ARHGEF3: variants seen among roughly 807,000 people sequenced by gnomAD.
ARHGEF3 encodes the protein Rho guanine nucleotide exchange factor 3, also known as 59.8 kDA protein.
ARHGEF3 carries 28 observed loss-of-function variants against 63.2 expected under a neutral mutation model. The observed-to-expected ratio is 0.44, with a 90% CI of 0.33 to 0.61. The LOEUF (loss-of-function observed/expected upper bound fraction) is 0.61, where lower values mean the gene tolerates loss of function less well. Ranked by LOEUF, ARHGEF3 falls within the 20% of genes least tolerant of loss-of-function variation. ARHGEF3 has a pLI of 0.03. For missense variants in ARHGEF3, 533 were observed against 659.3 expected (o/e 0.81, Z 2.10); for synonymous variants, 266 against 254.2 (o/e 1.05, Z -0.44).
At chr3:56,923,969 G>A (rs2042215763) in intron 3 of ARHGEF3, among the ~76,000 whole-genome samples, 1 of 152,236 alleles carries the variant, frequency 6.6e-6, no homozygotes, top group African/African-American at 2.4e-5. Flanking sequence ...TGCCCTGGAG[G>A]CTGTCCCTTT....
At chr3:56,872,244 A>G (rs1410391087) in intron 4 of ARHGEF3, among the ~76,000 whole-genome samples, 1 of 152,138 alleles carries the variant, frequency 6.6e-6, no homozygotes, top group Non-Finnish European at 1.5e-5. Context: ...TTACAACTTA[A>G]TCTCCTCATC....
intron 2 of ARHGEF3, among the ~76,000 whole-genome samples, chr3:56,989,734 G>A (rs2106943341): frequency 6.6e-6 from 1 of 152,234 alleles, no homozygotes; most frequent in East Asian, 1.9e-4. Flanking sequence ...CACTCCCTAG[G>A]AACAACCCTG....
At chr3:56,799,051 T>A (rs1421008440) in intron 1 of ARHGEF3, among the ~76,000 whole-genome samples, 3 of 152,266 alleles carry the variant, frequency 2.0e-5, no homozygotes, top group Non-Finnish European at 4.4e-5. Flanking sequence ...AAATACATTT[T>A]AAAAATATCA....
chr3:56,914,130 G>T (rs1275606787), intron 3 of ARHGEF3, among the ~76,000 whole-genome samples: 1 of 152,196 alleles, frequency 6.6e-6, no homozygotes, highest in Non-Finnish European at 1.5e-5. Flanking sequence ...TTGAGGGGAA[G>T]GGTGAGAGAG....
chr3:56,879,320 G>C (rs554389969), intron 4 of ARHGEF3, among the ~76,000 whole-genome samples: 7 of 152,112 alleles, frequency 4.6e-5, no homozygotes, highest in Non-Finnish European at 1.0e-4. Context: ...AATCAAAGGG[G>C]GACATAGTCT....
At chr3:56,757,869 C>T (rs964196407) in intron 2 of ARHGEF3, among the ~76,000 whole-genome samples, 2 of 151,740 alleles carry the variant, frequency 1.3e-5, no homozygotes, top group African/African-American at 2.4e-5. Context: ...ACTACAGGCA[C>T]CTGCCACCAC....
intron 2 of ARHGEF3, chr3:56,977,518 C>T (rs2106883542): frequency 2.9e-5 from 10 of 343,848 alleles, no homozygotes; most frequent in South Asian, 2.1e-4. Flanking sequence ...TGTCCTTTTA[C>T]CTGCCCCCAA....
chr3:57,063,224 G>C (rs190005365), intron 1 of ARHGEF3, among the ~76,000 whole-genome samples: 15 of 152,300 alleles, frequency 9.8e-5, no homozygotes, highest in Admixed American at 9.8e-4. Flanking sequence ...GGTTATGAGG[G>C]GGAAGGGCAA....
chr3:56,739,333 T>C (rs1207397230), intron 7 of ARHGEF3, among the ~76,000 whole-genome samples: 3 of 151,826 alleles, frequency 2.0e-5, no homozygotes, highest in South Asian at 4.2e-4. Flanking sequence ...TCAGAAGTTA[T>C]CATGTCTTAA....
At chr3:56,754,538 G>T (rs926931212) in intron 3 of ARHGEF3, among the ~76,000 whole-genome samples, 2 of 152,138 alleles carry the variant, frequency 1.3e-5, no homozygotes, top group African/African-American at 2.4e-5. Flanking sequence ...TCTATACAGG[G>T]TAATATTATC....
intron 1 of ARHGEF3, among the ~76,000 whole-genome samples, chr3:57,051,441 T>G (rs1284377195): frequency 1.3e-5 from 2 of 151,858 alleles, no homozygotes; most frequent in Non-Finnish European, 2.9e-5. Context: ...GAGCCAAGAT[T>G]GCGCCACTGC....
intron 4 of ARHGEF3, among the ~76,000 whole-genome samples, chr3:56,814,524 G>T (rs1346955276): frequency 6.6e-6 from 1 of 152,078 alleles, no homozygotes; most frequent in Middle Eastern, 3.2e-3. Flanking sequence ...CTATAAAATG[G>T]GGATATGAGA....
intron 3 of ARHGEF3, among the ~76,000 whole-genome samples, chr3:56,946,588 A>G (rs940853004): frequency 3.3e-5 from 5 of 152,222 alleles, no homozygotes; most frequent in Admixed American, 3.3e-4. Context: ...AAAAGAATAA[A>G]AAGAAACGAA....
At chr3:56,763,203 T>A (rs921377632) in intron 2 of ARHGEF3, among the ~76,000 whole-genome samples, 10 of 152,254 alleles carry the variant, frequency 6.6e-5, no homozygotes, top group African/African-American at 2.4e-4. Context: ...CACAAAGTTG[T>A]AGTGAGGATT....
At chr3:57,068,745 C>A (rs1357434498) in intron 1 of ARHGEF3, among the ~76,000 whole-genome samples, 1 of 152,140 alleles carries the variant, frequency 6.6e-6, no homozygotes. Flanking sequence ...CAAACCTCAA[C>A]TGTGTAACGT....
chr3:56,955,181 C>CT (rs56851084), intron 3 of ARHGEF3, among the ~76,000 whole-genome samples: 157 of 143,186 alleles, frequency 1.1e-3, no homozygotes, highest in African/African-American at 1.4e-3. Context: ...GATCCTTTTT[C>CT]TTTTTTTTTT....
chr3:56,739,603 T>C (rs1035683132), intron 7 of ARHGEF3, among the ~76,000 whole-genome samples: 2 of 152,094 alleles, frequency 1.3e-5, no homozygotes, highest in African/African-American at 2.4e-5. Flanking sequence ...TTTTGCTCTG[T>C]TGCCTAGGCT....
intron 3 of ARHGEF3, among the ~76,000 whole-genome samples, chr3:56,949,972 T>C (rs1699719494): frequency 1.3e-5 from 2 of 151,948 alleles, no homozygotes; most frequent in South Asian, 4.1e-4. Flanking sequence ...TCAGAAATAA[T>C]GCCGCATATC....
At chr3:56,760,540 A>C (rs1223932460) in intron 2 of ARHGEF3, among the ~76,000 whole-genome samples, 1 of 152,122 alleles carries the variant, frequency 6.6e-6, no homozygotes, top group Non-Finnish European at 1.5e-5. Flanking sequence ...AGGGTCTTTT[A>C]TGCGCTTTGC....
Sources: allele counts gnomAD v4.1 joint callset (sites outside exome capture counted in the v4.1 genomes callset), GRCh38; gene constraint gnomAD v4.1.1; transcripts MANE v1.5; gene names NCBI Gene and HGNC (gene_info 2026-07-23, HGNC 2026-07-21).